GLI1: variants seen among roughly 807,000 people sequenced by gnomAD.
The protein encoded by GLI1 is transcription activator GLI1.
In GLI1, 51 loss-of-function variants were observed where a neutral mutation model predicts 87.8. The ratio of observed to expected loss-of-function variants is 0.58; its 90% CI spans 0.46 to 0.73. The LOEUF is 0.73. Among genes scored for constraint, GLI1 ranks in the 30% least tolerant of loss-of-function variants. GLI1 has a pLI of 0.00. For synonymous variants in GLI1, 528 were observed against 558.2 expected (o/e 0.95, Z 0.76); for missense variants, 1,292 against 1,437.2 (o/e 0.90, Z 1.63).
At chr12:57,463,831 C>T in intron 2 of GLI1, 40 bp downstream of exon 2, 1 of 1,297,234 alleles carries the variant, frequency 7.7e-7, no homozygotes, top group Non-Finnish European at 1.1e-6. Context: ...GAGGATTTGG[C>T]AGATCTCCCA....
chr12:57,463,773 C>T lies in GLI1; in HGVS notation c.82C>T (p.Pro28Ser), dbSNP rs200183475. 3 of 1,601,726 alleles carry T rather than the reference C, an allele frequency of 1.9e-6. No individual in the cohort carries two copies. Among genetic ancestry groups the T allele is most frequent in the Admixed American group, 1.7e-5 (1 of 59,940 alleles). Residue 28 changes from proline to serine, a missense_variant, in exon 2 of 12, where the codon CCC (proline) becomes TCC (serine). This residue lies in a region of GLI1 where 383 missense variants were observed against 368.4 expected (regional missense o/e 1.04). Coordinates refer to ENST00000228682, the MANE Select transcript of GLI1 (RefSeq NM_005269.3). ...CLRPLPSQGA[P>S]SVGTEGLSGP... ...CCGGCCCCTCCCCAGTCAGGGGGCCCCCAGTGTGGGGACAGAAGGTCAGTG... is the reference window on the plus strand; with the variant it reads ...CCGGCCCCTCCCCAGTCAGGGGGCCTCCAGTGTGGGGACAGAAGGTCAGTG...
rs1043461766 is a variant in GLI1, at chr12:57,459,877, C to A, written c.-352C>A. Among the ~76,000 whole-genome samples, 1 of 152,014 alleles carries A rather than the reference C, an allele frequency of 6.6e-6. No individual in the cohort carries two copies. The highest frequency in any genetic ancestry group is 6.5e-5 in the Admixed American group (1 of 15,268). On this transcript the variant is annotated 5_prime_UTR_variant, in exon 1 of 12. Transcript: ENST00000228682. ...GCACCCCTTCTCTTGCTTCCAGCTACCCCGCCTCATCCTCCAGAACGGCAA... is the reference window on the plus strand; with the variant it reads ...GCACCCCTTCTCTTGCTTCCAGCTAACCCGCCTCATCCTCCAGAACGGCAA...
chr12:57,465,921 T>A lies in GLI1; in HGVS notation c.758T>A (p.Val253Glu), dbSNP rs1227177051. The change falls in exon 7 of 12, where the codon GTG becomes GAG. Residue 253 changes from valine to glutamate, a missense_variant. By Grantham distance (121) the Val-to-Glu change is moderately radical. This residue lies in a region of GLI1 where 383 missense variants were observed against 368.4 expected (regional missense o/e 1.04). Coordinates refer to ENST00000228682, the MANE Select transcript of GLI1 (RefSeq NM_005269.3). ...GAATTTGACTCCCAAGAGCAGCTGG[T>A]GCACGTGAGCCCCAGGGGGTAACAG... ...SQEFDSQEQL[V>E]HHINSEHIHG... 1.2e-6 allele frequency: 2 copies of A among 1,613,316 alleles called. No homozygotes were observed. Among genetic ancestry groups the A allele is most frequent in the Non-Finnish European group, 1.7e-6 (2 of 1,179,390 alleles).
In GLI1 at chr12:57,469,579, G is replaced by A. The variant is rs750584946; in HGVS notation, c.1457G>A (p.Cys486Tyr). The A allele has an allele frequency of 1.2e-6, 2 of 1,614,234 alleles. No homozygotes were observed. Among genetic ancestry groups the A allele is most frequent in the South Asian group, 2.2e-5 (2 of 91,090 alleles). Reference sequence around the variant, plus strand: ...CTCTCCAGCTTGGACGAGGGACCTTGCATTGCTGGCACTGGTCTGTCCACT... The same window carrying A: ...CTCTCCAGCTTGGACGAGGGACCTTACATTGCTGGCACTGGTCTGTCCACT... ...EDLSSLDEGPCIAGTGLSTLR... is the reference protein window; with the variant it reads ...EDLSSLDEGPYIAGTGLSTLR... The change falls in exon 11 of 12, where the codon TGC becomes TAC. Residue 486 changes from cysteine to tyrosine, a missense_variant. Cys to Tyr is a radical substitution (Grantham distance 194). Transcript: ENST00000228682.
Position 57,472,058 on chromosome 12 carries a change from C to G in GLI1, c.3318C>G (p.Ala1106=). 1 of 1,486,414 alleles carries G rather than the reference C, an allele frequency of 6.7e-7. No homozygotes were observed. Among genetic ancestry groups the G allele is most frequent in the Non-Finnish European group, 9.0e-7 (1 of 1,114,234 alleles). The allele number at this position is 1,486,414 out of a possible 1,614,324, so 92.1% of individuals were successfully genotyped here. A position where few individuals can be genotyped will look rare whatever the true frequency, so the allele number is the denominator to read the frequency against. ...PGETEFLNSS[A] is the part of the protein sequence containing the mutation. ...AAACAGAATTCCTCAACTCTAGTGC[C>G]TAAAGAGTAGGGAATCTCATCCATC... is the stretch of plus-strand genomic sequence containing the variant. Residue 1106 remains alanine (A), a synonymous_variant, in exon 12 of 12, where the codon GCC becomes GCG. Transcript: ENST00000228682.
chr12:57,461,628 G>A (rs1484950253), intron 1 of GLI1, among the ~76,000 whole-genome samples: 6 of 152,230 alleles, frequency 3.9e-5, no homozygotes, highest in Non-Finnish European at 8.8e-5. Flanking sequence ...AGAGGAGGAG[G>A]GAAGAATGTG....
chr12:57,462,264 A>T (rs1809024160), intron 1 of GLI1, among the ~76,000 whole-genome samples: 1 of 147,552 alleles, frequency 6.8e-6, no homozygotes, highest in African/African-American at 2.5e-5. Flanking sequence ...GAGGTCTTGG[A>T]TGCGGGATCC....
At chr12:57,467,225 C>T (rs1444416577) in intron 8 of GLI1, 108 bp from the exon 9 acceptor site, 1 of 932,240 alleles carries the variant, frequency 1.1e-6, no homozygotes, top group Non-Finnish European at 1.6e-6. Flanking sequence ...CAGTGCCTTT[C>T]ATCTTGAGTT....
At chr12:57,462,909 G>A (rs1871237285) in intron 1 of GLI1, among the ~76,000 whole-genome samples, 1 of 152,168 alleles carries the variant, frequency 6.6e-6, no homozygotes, top group Admixed American at 6.5e-5. Flanking sequence ...AGGGGGAACG[G>A]GCTCTAGCAG....
chr12:57,468,481 T>TTCTC (rs544598411), intron 10 of GLI1, among the ~76,000 whole-genome samples: 1 of 151,490 alleles, frequency 6.6e-6, no homozygotes, highest in Non-Finnish European at 1.5e-5. Flanking sequence ...CTTTCTTTCT[T>TTCTC]TCTCTCTCTC....
rs1594745515 is a variant in GLI1, at chr12:57,466,465, C to T, written c.912+76C>T. 31 of 1,137,538 alleles carry T rather than the reference C, an allele frequency of 2.7e-5. No homozygotes were observed. The East Asian group carries it at 7.6e-4, about 28-fold the overall frequency. 70.5% of individuals were successfully genotyped at this position (1,137,538 alleles called of 1,614,324 possible). A position where few individuals can be genotyped will look rare whatever the true frequency, so the allele number is the denominator to read the frequency against. On this transcript the variant is annotated intron_variant, in intron 8 of 11. Transcript: ENST00000228682. ...CCTTCAAGGTAGGGCCCAAGGCAGA[C>T]TTTTGCTTTTATAAGTCCTTTCTTC... is the stretch of plus-strand genomic sequence containing the variant.
rs1871445968 is a variant in GLI1, at chr12:57,465,849, C to T, written c.686C>T (p.Pro229Leu). 6.2e-7 allele frequency: 1 copy of T among 1,613,942 alleles called. No homozygotes were observed. Among genetic ancestry groups the T allele is most frequent in the African/African-American group, 1.3e-5 (1 of 74,920 alleles). Reference sequence around the variant, plus strand: ...CTCGAGAGAGAGGAGAAGCGTGAGCCTGAATCTGTGTATGAAACTGACTGC... The same window carrying T: ...CTCGAGAGAGAGGAGAAGCGTGAGCTTGAATCTGTGTATGAAACTGACTGC... Reference protein sequence around the residue: ...EDLEREEKREPESVYETDCRW... With the variant: ...EDLEREEKRELESVYETDCRW... The change falls in exon 7 of 12, where the codon CCT becomes CTT. Residue 229 changes from proline to leucine, a missense_variant. Physicochemically the swap from Pro to Leu is moderately conservative, Grantham distance 98 (BLOSUM62 -3). Around this residue, in one of 3 missense-constraint regions of GLI1, gnomAD observed 383 missense variants for 368.4 expected, o/e 1.04. Transcript: ENST00000228682.
In GLI1 at chr12:57,465,875, C is replaced by T. The variant is rs746017407; in HGVS notation, c.712C>T (p.Arg238Cys). Residue 238 changes from arginine (R) to cysteine (C), a missense_variant, in exon 7 of 12, where the codon CGT becomes TGT. By Grantham distance (180) the Arg-to-Cys change is radical. Coordinates refer to ENST00000228682, the MANE Select transcript of GLI1 (RefSeq NM_005269.3). ...EPESVYETDC[R>C]WDGCSQEFDS... Reference sequence around the variant, plus strand: ...TGAATCTGTGTATGAAACTGACTGCCGTTGGGATGGCTGCAGCCAGGAATT... The same window carrying T: ...TGAATCTGTGTATGAAACTGACTGCTGTTGGGATGGCTGCAGCCAGGAATT... 16 of 1,613,832 alleles carry T rather than the reference C, an allele frequency of 9.9e-6. No individual in the cohort carries two copies. The highest frequency in any genetic ancestry group is 2.7e-5 in the African/African-American group (2 of 74,904).
chr12:57,465,424 CA>C, intron 5 of GLI1, 169 bp downstream of exon 5: 1 of 739,872 alleles, frequency 1.4e-6, no homozygotes, highest in East Asian at 2.7e-5. Flanking sequence ...CAGACGCTTC[CA>C]AATGGGATCC....
chr12:57,463,920 T>C (rs1025097738), intron 2 of GLI1, 79 bp from the exon 3 acceptor site: 8 of 1,189,682 alleles, frequency 6.7e-6, no homozygotes, highest in Admixed American at 5.1e-5. Flanking sequence ...ACCTGGAATC[T>C]GGGATCAGGT....
chr12:57,463,574 C>T, intron 1 of GLI1, 91 bp from the exon 2 acceptor site: 1 of 727,864 alleles, frequency 1.4e-6, no homozygotes, highest in Non-Finnish European at 2.5e-6. Context: ...TGGGGGATAC[C>T]AGGGATGTTC....
intron 2 of GLI1, 67 bp downstream of exon 2, chr12:57,463,858 C>A (rs1393124640): frequency 9.2e-7 from 1 of 1,089,248 alleles, no homozygotes; most frequent in Non-Finnish European, 1.4e-6. Flanking sequence ...CCCACCCCCA[C>A]CCCATGCCAG....
chr12:57,466,023 G>A, intron 7 of GLI1, 98 bp downstream of exon 7: 1 of 1,233,552 alleles, frequency 8.1e-7, no homozygotes, highest in Non-Finnish European at 1.2e-6. Context: ...GGTCAGAGGA[G>A]ACTGAGGTTG....
chr12:57,468,294 C>T, intron 10 of GLI1, 70 bp downstream of exon 10: 2 of 945,938 alleles, frequency 2.1e-6, no homozygotes, highest in Non-Finnish European at 1.7e-6. Flanking sequence ...TAGTTACTTC[C>T]CAACCCATCC....
Sources: allele counts gnomAD v4.1 joint callset (sites outside exome capture counted in the v4.1 genomes callset), GRCh38; gene constraint gnomAD v4.1.1; regional missense constraint gnomAD v4.1.1; transcripts MANE v1.5; gene names NCBI Gene and HGNC (gene_info 2026-07-23, HGNC 2026-07-21).